HEATR4: variants seen among roughly 807,000 people sequenced by gnomAD.
HEATR4 encodes the protein HEAT repeat-containing protein 4.
A neutral mutation model predicts 108.8 loss-of-function variants in HEATR4; 95 were observed. The ratio of observed to expected loss-of-function variants is 0.87; its 90% CI spans 0.74 to 1.04. The LOEUF (loss-of-function observed/expected upper bound fraction) is 1.04. Among genes scored for constraint, HEATR4 ranks in the 50% least tolerant of loss-of-function variants. The pLI is 0.00. For synonymous variants in HEATR4, 443 were observed against 459.4 expected (o/e 0.96, Z 0.46); for missense variants, 1,152 against 1,253.8 (o/e 0.92, Z 1.23).
chr14:73,592,436 G>A, the HEATR4 span: 1 of 1,489,052 alleles, frequency 6.7e-7, no homozygotes, highest in Non-Finnish European at 8.9e-7. Context: ...GCTGCTGGCG[G>A]GTGGTGTGAG....
At chr14:73,538,689 A>C (rs1249433622) in intron 1 of HEATR4, among the ~76,000 whole-genome samples, 1 of 111,696 alleles carries the variant, frequency 9.0e-6, no homozygotes, top group African/African-American at 2.9e-5. Context: ...ACAAAACAAA[A>C]AAAACAGGCC....
At chr14:73,612,557 T>TC in the HEATR4 span, 1 of 1,354,820 alleles carries the variant, frequency 7.4e-7, no homozygotes, top group Non-Finnish European at 9.6e-7. Flanking sequence ...TCGCCCCTGT[T>TC]CTACCCAGAT....
intron 1 of HEATR4, among the ~76,000 whole-genome samples, chr14:73,534,996 G>A (rs1888816447): frequency 8.9e-6 from 1 of 112,790 alleles, no homozygotes; most frequent in South Asian, 2.8e-4. Flanking sequence ...TAATATCTTG[G>A]TAAAAAGTAT....
chr14:73,569,238 A>G, the HEATR4 span: 2 of 1,613,000 alleles, frequency 1.2e-6, no homozygotes, highest in Non-Finnish European at 1.7e-6. Context: ...GCAGCCCGAG[A>G]GGATGTCTAA....
the HEATR4 span, chr14:73,568,260 A>G: frequency 2.0e-5 from 3 of 152,066 alleles, no homozygotes; most frequent in Admixed American, 2.0e-4. Flanking sequence ...GTGGGTTTGA[A>G]GCCTACACAT....
Position 73,552,646 on chromosome 14 carries a change from A to G in HEATR4, c.-152+6105T>C, listed in dbSNP as rs1408224759. On this transcript the variant is annotated intron_variant, in intron 1 of 17. Coordinates refer to ENST00000553558, the MANE Select transcript of HEATR4 (RefSeq NM_001220484.1). ...CAATCCCCTGTGCCGACACAAATCA[A>G]CCTCCCCATGTCCCAACCACTGTCA... Among the ~76,000 whole-genome samples, 22 of 106,934 alleles carry G rather than the reference A, an allele frequency of 2.1e-4. 4 individuals are homozygous for G. The highest frequency in any genetic ancestry group is 8.1e-4 in the African/African-American group (22 of 27,054). The allele number at this position is 106,934 out of a possible 152,430, so 70.2% of individuals were successfully genotyped here.
At chr14:73,621,985 AC>A in the HEATR4 span, among the ~76,000 whole-genome samples, 53 of 150,394 alleles carry the variant, frequency 3.5e-4, no homozygotes, top group Non-Finnish European at 1.5e-4. Context: ...CTGGTCTCCA[AC>A]TCCTGGGCTC....
At chr14:73,620,108 C>T in the HEATR4 span, among the ~76,000 whole-genome samples, 1 of 152,096 alleles carries the variant, frequency 6.6e-6, no homozygotes, top group Non-Finnish European at 1.5e-5. Flanking sequence ...GACAAGGTTT[C>T]GCCATGTTGG....
At chr14:73,613,056 A>T in the HEATR4 span, 1 of 659,598 alleles carries the variant, frequency 1.5e-6, no homozygotes, top group Admixed American at 4.2e-5. Flanking sequence ...AATTTGGTCG[A>T]GCTCTGCGAC....
chr14:73,492,433 G>A lies in HEATR4; in HGVS notation c.2844+633C>T, dbSNP rs1307396636. 10 of 1,613,692 alleles carry A rather than the reference G, an allele frequency of 6.2e-6. No homozygotes were observed. Among genetic ancestry groups the A allele is most frequent in the Non-Finnish European group, 8.5e-6 (10 of 1,179,750 alleles). ...CCCAGCATTCAGATTCTAAGGATCC[G>A]CGAAGAACCGCTTTCATGGAGAAGG... On this transcript the variant is annotated intron_variant, in intron 17 of 17. Transcript: ENST00000553558. This position sits in a 1 kb window ranked among gnomAD's most constrained non-coding sequence, Gnocchi z 4.9.
chr14:73,624,492 C>T, the HEATR4 span, among the ~76,000 whole-genome samples: 2 of 151,778 alleles, frequency 1.3e-5, no homozygotes, highest in Non-Finnish European at 2.9e-5. Flanking sequence ...GTCCCATCTA[C>T]TCAGGATGCT....
chr14:73,590,070 A>T, the HEATR4 span, among the ~76,000 whole-genome samples: 3 of 152,116 alleles, frequency 2.0e-5, no homozygotes, highest in African/African-American at 7.2e-5. Context: ...AAATAGAACA[A>T]ACCTTCCCGC....
At chr14:73,524,312 T>A (rs1031866977) in intron 2 of HEATR4, among the ~76,000 whole-genome samples, 2,393 of 70,704 alleles carry the variant, frequency 0.034, 32 homozygotes, top group African/African-American at 0.046. Context: ...AAAAAAAAAA[T>A]ATATATATAT....
intron 15 of HEATR4, among the ~76,000 whole-genome samples, chr14:73,496,381 TA>T (rs141864108): frequency 0.015 from 2,243 of 152,282 alleles, 51 homozygotes; most frequent in African/African-American, 0.048. Context: ...ATAGGACTAA[TA>T]GGATTTTTGT....
At chr14:73,573,535 C>T in the HEATR4 span, 55 of 1,613,498 alleles carry the variant, frequency 3.4e-5, 1 homozygote, top group South Asian at 1.1e-4. Flanking sequence ...ACCATGGAGA[C>T]GCTCCATCTG....
chr14:73,623,342 AG>A, the HEATR4 span, among the ~76,000 whole-genome samples: 2 of 152,074 alleles, frequency 1.3e-5, no homozygotes, highest in Non-Finnish European at 2.9e-5. Flanking sequence ...CGTGATATAA[AG>A]GGTAGTGTTA....
chr14:73,598,438 C>T, the HEATR4 span, among the ~76,000 whole-genome samples: 1 of 151,550 alleles, frequency 6.6e-6, no homozygotes, highest in South Asian at 2.1e-4. Flanking sequence ...CCCCTTCCTT[C>T]AAATCTGGAT....
chr14:73,495,412 A>AAAAAC (rs770446372), intron 15 of HEATR4, 25 bp from the exon 16 acceptor site: 297 of 1,597,988 alleles, frequency 1.9e-4, no homozygotes, highest in Non-Finnish European at 2.4e-4. Context: ...ATAATGTTTG[A>AAAAAC]AAAACAAAAC....
In HEATR4 at chr14:73,544,499, T is replaced by C. The variant is rs1402517565; in HGVS notation, c.-152+14252A>G. On this transcript the variant is annotated intron_variant, in intron 1 of 17. Transcript: ENST00000553558. ...AGTTCTTTGATATCTTCTCCTTGGA[T>C]TAATAAGGATTCTCCTAGTGCAAAT... Among the ~76,000 whole-genome samples, 10 of 115,390 alleles carry C rather than the reference T, an allele frequency of 8.7e-5. 2 individuals carry two copies. The highest frequency in any genetic ancestry group is 1.5e-4 in the Non-Finnish European group (8 of 52,992). 75.7% of individuals were successfully genotyped at this position (115,390 alleles called of 152,430 possible).
Sources: gnomAD v4.1 joint callset for allele counts (sites outside exome capture counted in the v4.1 genomes callset) on GRCh38, gnomAD v4.1.1 for gene constraint, Gnocchi (gnomAD v3.1) non-coding constraint, MANE v1.5 for transcripts, NCBI Gene and HGNC (gene_info 2026-07-23, HGNC 2026-07-21) for gene names.